MOBP: variants seen among roughly 807,000 people sequenced by gnomAD.
The protein encoded by MOBP is myelin associated oligodendrocyte basic protein, also known as myelin-associated oligodendrocyte basic protein.
In MOBP, 5 loss-of-function variants were observed where a neutral mutation model predicts 15.0. The ratio of observed to expected loss-of-function variants is 0.33; its 90% CI spans 0.17 to 0.70. MOBP has a LOEUF of 0.70. MOBP is among the 30% of genes least tolerant of loss of function. The pLI is 0.67. For synonymous variants in MOBP, 88 were observed against 99.0 expected (o/e 0.89, Z 0.66); for missense variants, 188 against 257.8 (o/e 0.73, Z 1.85).
chr3:39,478,828 T>C (rs1488326818), intron 1 of MOBP, among the ~76,000 whole-genome samples: 1 of 150,656 alleles, frequency 6.6e-6, no homozygotes, highest in African/African-American at 2.5e-5. Flanking sequence ...TCTTTTTTTT[T>C]CTTCTTCTTT....
At chr3:39,469,180 G>GTGTGTGTGTTTACATATATACA (rs2042424014) in intron 1 of MOBP, among the ~76,000 whole-genome samples, 1 of 41,108 alleles carries the variant, frequency 2.4e-5, no homozygotes, top group East Asian at 4.6e-4. Context: ...ATATATACAT[G>GTGTGTGTGTTTACATATATACA]TGTGTGTGTG....
At chr3:39,513,293 C>A in intron 4 of MOBP, 2 of 1,200,362 alleles carry the variant, frequency 1.7e-6, no homozygotes, top group Non-Finnish European at 2.4e-6. Flanking sequence ...TCTCAAAATC[C>A]ACAATTATAC....
intron 1 of MOBP, among the ~76,000 whole-genome samples, chr3:39,478,709 C>T (rs28562776): frequency 0.06 from 9,131 of 152,070 alleles, 775 homozygotes; most frequent in African/African-American, 0.18. Flanking sequence ...GCCCTGCAAT[C>T]GTTGCCATCC....
chr3:39,479,733 C>T (rs191541100), intron 1 of MOBP, among the ~76,000 whole-genome samples: 1 of 151,290 alleles, frequency 6.6e-6, no homozygotes, highest in African/African-American at 2.4e-5. Context: ...GCTTGTAAAG[C>T]TCAAATTTAC....
In MOBP at chr3:39,502,821, C is replaced by T. The variant is rs978843622; in HGVS notation, c.493C>T (p.Leu165Phe). Residue 165 changes from leucine to phenylalanine, a missense_variant, in exon 4 of 4, where the codon CTC becomes TTC. Leu to Phe is a conservative substitution (Grantham distance 22, BLOSUM62 0). Transcript: ENST00000684792. The surrounding 1 kb of genome is among the most constrained non-coding windows in gnomAD (Gnocchi z 6.3). ...CAAGCAACAGCCGCGCAGCAGCCCC[C>T]TCAGAGGGCCAGGCGCCAGCCGTGG... ...KSKQQPRSSP[L>F]RGPGASRGGS... The T allele has an allele frequency of 2.0e-6, 3 of 1,528,480 alleles. No homozygotes were observed. The highest frequency in any genetic ancestry group is 2.6e-6 in the Non-Finnish European group (3 of 1,141,180). 94.7% of individuals were successfully genotyped at this position (1,528,480 alleles called of 1,614,324 possible).
chr3:39,502,238 G>T lies in MOBP; in HGVS notation c.169G>T (p.Glu57Ter). The T allele has an allele frequency of 6.2e-7, 1 of 1,614,202 alleles. No individual in the cohort carries two copies. Among genetic ancestry groups the T allele is most frequent in the Non-Finnish European group, 8.5e-7 (1 of 1,180,040 alleles). Reference sequence around the variant, plus strand: ...GAGCGGCTGCTTCTACCAGAAGAAAGAGGAGGACTGGATCTGCTGCGCCTG... The same window carrying T: ...GAGCGGCTGCTTCTACCAGAAGAAATAGGAGGACTGGATCTGCTGCGCCTG... ...CKSGCFYQKK[E>*]EDWICCACQK... Residue 57 changes from glutamate to a stop codon, truncating the protein, a stop_gained, in exon 3 of 4, where the codon GAG (glutamate) becomes TAG (stop). Transcript: ENST00000684792. LOFTEE classifies it high-confidence loss of function. The surrounding 1 kb of genome is among the most constrained non-coding windows in gnomAD (Gnocchi z 6.3).
At chr3:39,470,220 A>C (rs1444829101) in intron 1 of MOBP, among the ~76,000 whole-genome samples, 1 of 152,218 alleles carries the variant, frequency 6.6e-6, no homozygotes, top group South Asian at 2.1e-4. Context: ...TGTTTCCTAC[A>C]TGTTCTAGTA....
At chr3:39,495,199 G>A (rs1381123171) in intron 2 of MOBP, among the ~76,000 whole-genome samples, 1 of 152,162 alleles carries the variant, frequency 6.6e-6, no homozygotes, top group Non-Finnish European at 1.5e-5. Context: ...AACAACTGTT[G>A]GAGTCACTGT....
chr3:39,490,217 A>G (rs1460558147), intron 2 of MOBP, among the ~76,000 whole-genome samples: 1 of 152,148 alleles, frequency 6.6e-6, no homozygotes. Context: ...TTTTCCTACT[A>G]TCCTCCCCCT....
At chr3:39,504,648 C>T (rs1038499049), downstream of MOBP, among the ~76,000 whole-genome samples, 9 of 152,244 alleles carry the variant, frequency 5.9e-5, no homozygotes, top group African/African-American at 1.2e-4. Context: ...GTCTTGAGTC[C>T]TATTTGAGAT....
chr3:39,513,281 A>T, intron 4 of MOBP: 1 of 964,202 alleles, frequency 1.0e-6, no homozygotes, highest in Non-Finnish European at 1.6e-6. Flanking sequence ...CCTCAAAGGT[A>T]GTCTCAAAAT....
At chr3:39,483,984 A>G (rs1220633255) in intron 2 of MOBP, among the ~76,000 whole-genome samples, 1 of 152,246 alleles carries the variant, frequency 6.6e-6, no homozygotes, top group Non-Finnish European at 1.5e-5. Flanking sequence ...TCGTTCATTA[A>G]GTGGATGGTG....
Position 39,477,457 on chromosome 3 carries a change from A to G in MOBP, c.-88-2583A>G, listed in dbSNP as rs6779922. The stretch of plus-strand genomic sequence containing the variant: ...GTTTGTGGTAATGCTGGTGTAAACA[A>G]ATCTACTGTGCTGCCAATTGTATAA... On this transcript the variant is annotated intron_variant, in intron 1 of 3. Coordinates refer to ENST00000684792, the MANE Select transcript of MOBP (RefSeq NM_001393704.1). Among the ~76,000 whole-genome samples the G allele has an allele frequency of 2.9e-3, 441 of 152,064 alleles. 1 individual carries two copies. The highest frequency in any genetic ancestry group is 0.01 in the African/African-American group (418 of 41,436).
At chr3:39,497,965 C>G (rs986098388) in intron 2 of MOBP, among the ~76,000 whole-genome samples, 3 of 152,192 alleles carry the variant, frequency 2.0e-5, no homozygotes, top group African/African-American at 7.2e-5. Context: ...CCTATTTGAA[C>G]ACTGTTGGCT....
chr3:39,528,872 C>T (rs566112973), downstream of MOBP: 24 of 152,418 alleles, frequency 1.6e-4, no homozygotes, highest in African/African-American at 5.5e-4. Context: ...GAAAGCCACA[C>T]TGAGTTTTAT....
intron 4 of MOBP, among the ~76,000 whole-genome samples, chr3:39,509,596 T>G (rs2043093839): frequency 6.6e-6 from 1 of 152,150 alleles, no homozygotes; most frequent in African/African-American, 2.4e-5. Context: ...CTAAAAATAT[T>G]CTAGATACAA....
intron 1 of MOBP, among the ~76,000 whole-genome samples, chr3:39,476,683 T>C (rs2042549892): frequency 6.6e-6 from 1 of 152,208 alleles, no homozygotes; most frequent in South Asian, 2.1e-4. Flanking sequence ...GATTTATTTA[T>C]TGTAGTCAGT....
chr3:39,498,353 TA>T (rs1164208334), intron 2 of MOBP, among the ~76,000 whole-genome samples: 1 of 152,114 alleles, frequency 6.6e-6, no homozygotes, highest in African/African-American at 2.4e-5. Context: ...TTTTTGTTTT[TA>T]TTTTTTTGTT....
exon 5 of MOBP, chr3:39,514,185 C>T (rs1441132406): frequency 6.6e-6 from 1 of 152,318 alleles, no homozygotes; most frequent in Admixed American, 6.5e-5. Flanking sequence ...AACATCTCCT[C>T]CTGGCCCAGC....
Sources: allele counts gnomAD v4.1 joint callset (sites outside exome capture counted in the v4.1 genomes callset), GRCh38; gene constraint gnomAD v4.1.1; non-coding constraint Gnocchi (gnomAD v3.1); transcripts MANE v1.5; gene names NCBI Gene and HGNC (gene_info 2026-07-23, HGNC 2026-07-21).